SEPTIN2: variants seen among roughly 807,000 people sequenced by gnomAD.
SEPTIN2 encodes the protein septin 2, also known as septin-2.
In SEPTIN2, 34 loss-of-function variants were observed where a neutral mutation model predicts 46.5. That is an observed-to-expected ratio of 0.73 (90% confidence interval 0.56 to 0.97). The LOEUF is 0.97. Ranked by LOEUF, SEPTIN2 falls within the 50% of genes least tolerant of loss-of-function variation. SEPTIN2 has a pLI of 0.00. For synonymous variants in SEPTIN2, 175 were observed against 153.4 expected (o/e 1.14, Z -1.04); for missense variants, 347 against 448.4 (o/e 0.77, Z 2.04).
At position 241,346,185 on chromosome 2, in the gene SEPTIN2, C is replaced by T. The variant is rs1380015842; in HGVS notation, c.862C>T (p.Gln288Ter). The change falls in exon 10 of 13, where the codon CAG becomes TAG. Residue 288 changes from glutamine (Q) to a stop codon, truncating the protein, a stop_gained. Coordinates refer to ENST00000391971, the MANE Select transcript of SEPTIN2 (RefSeq NM_004404.5). LOFTEE classifies it high-confidence loss of function. ...TTTCAGCACCCACATGCAGGATCTC[C>T]AGGAGGTGACCCAGGACCTTCATTA... ...TMLITHMQDL[Q>*]EVTQDLHYEN... 2.5e-6 allele frequency: 4 copies of T among 1,613,792 alleles called. No homozygotes were observed. Among genetic ancestry groups the T allele is most frequent in the Non-Finnish European group, 3.4e-6 (4 of 1,179,902 alleles).
chr2:241,335,892 C>T (rs2079889823), intron 4 of SEPTIN2, 83 bp from the exon 5 acceptor site: 1 of 1,576,550 alleles, frequency 6.3e-7, no homozygotes, highest in Non-Finnish European at 8.7e-7. Flanking sequence ...AGGCAGTAGA[C>T]TCTGAAGTCA....
At chr2:241,343,721 G>A in intron 8 of SEPTIN2, 31 bp from the exon 9 acceptor site, 1 of 1,613,124 alleles carries the variant, frequency 6.2e-7, no homozygotes, top group South Asian at 1.1e-5. Flanking sequence ...TCCCTGTGTG[G>A]AGCCTGTCTA....
chr2:241,353,843 C>T lies in SEPTIN2; in HGVS notation c.*1906C>T, dbSNP rs1025036459. The T allele has an allele frequency of 2.0e-5, 3 of 153,324 alleles. No individual in the cohort carries two copies. Among genetic ancestry groups the T allele is most frequent in the Admixed American group, 1.3e-4 (2 of 15,292 alleles). 9.5% of individuals were successfully genotyped at this position (153,324 alleles called of 1,614,324 possible). ...AGGGAGGACCCACACTGCTACACTT[C>T]TGATCCCCTTTGGTTTTACTACCCA... On this transcript the variant is annotated 3_prime_UTR_variant, in exon 13 of 13. Coordinates refer to ENST00000391971, the MANE Select transcript of SEPTIN2 (RefSeq NM_004404.5).
At chr2:241,337,101 AAAAG>A (rs1005217038) in intron 5 of SEPTIN2, 4 of 290,204 alleles carry the variant, frequency 1.4e-5, no homozygotes, top group African/African-American at 6.6e-5. Flanking sequence ...CTCAAAAAAA[AAAAG>A]AACGAATTGG....
At chr2:241,350,748 C>G (rs1156732267) in intron 12 of SEPTIN2, among the ~76,000 whole-genome samples, 1 of 152,058 alleles carries the variant, frequency 6.6e-6, no homozygotes, top group Non-Finnish European at 1.5e-5. Context: ...ATCTGTCTGG[C>G]ATGGTGTATG....
intron 7 of SEPTIN2, 25 bp from the exon 8 acceptor site, chr2:241,342,967 G>A (rs371058060): frequency 7.4e-7 from 1 of 1,353,114 alleles, no homozygotes; most frequent in Non-Finnish European, 1.1e-6. Context: ...TGCTAAAATT[G>A]ATCCTGGTTT....
chr2:241,321,587 T>G (rs766268691), intron 1 of SEPTIN2, among the ~76,000 whole-genome samples: 2 of 152,050 alleles, frequency 1.3e-5, no homozygotes, highest in Non-Finnish European at 2.9e-5. Flanking sequence ...TTTTTTTCCC[T>G]TGGTTTTTCA....
intron 7 of SEPTIN2, among the ~76,000 whole-genome samples, chr2:241,339,643 TG>T (rs1390599549): frequency 6.6e-6 from 1 of 152,222 alleles, no homozygotes; most frequent in Non-Finnish European, 1.5e-5. Flanking sequence ...GCTTACTTTT[TG>T]TTTTACTCTG....
chr2:241,323,905 A>T (rs922478700), intron 1 of SEPTIN2, among the ~76,000 whole-genome samples: 1 of 152,246 alleles, frequency 6.6e-6, no homozygotes, highest in Non-Finnish European at 1.5e-5. Flanking sequence ...AGTAACAGTC[A>T]TAAGGATCTC....
chr2:241,343,267 G>A (rs2081495816), intron 8 of SEPTIN2, among the ~76,000 whole-genome samples, 174 bp downstream of exon 8: 1 of 152,138 alleles, frequency 6.6e-6, no homozygotes, highest in African/African-American at 2.4e-5. Flanking sequence ...GAGAGGCCAA[G>A]GCAGATGGAT....
At chr2:241,343,973 C>A in intron 9 of SEPTIN2, 76 bp downstream of exon 9, 1 of 1,539,200 alleles carries the variant, frequency 6.5e-7, no homozygotes, top group South Asian at 1.2e-5. Flanking sequence ...GTACACTTGG[C>A]CCCCAAGATA....
chr2:241,339,778 G>C (rs1299874946), intron 7 of SEPTIN2, among the ~76,000 whole-genome samples: 3 of 152,064 alleles, frequency 2.0e-5, no homozygotes, highest in Non-Finnish European at 4.4e-5. Flanking sequence ...CCCTCACTGA[G>C]CCCAACGCTG....
chr2:241,325,932 T>G (rs1559604070), intron 2 of SEPTIN2, 61 bp from the exon 3 acceptor site: 1 of 1,501,480 alleles, frequency 6.7e-7, no homozygotes, highest in Non-Finnish European at 9.0e-7. Context: ...TCTAACTGAT[T>G]ATATCTTAAA....
At position 241,335,990 on chromosome 2, in the gene SEPTIN2, C is replaced by T; in HGVS notation, c.233C>T (p.Thr78Ile). Residue 78 changes from threonine (T) to isoleucine (I), a missense_variant, in exon 5 of 13, where the codon ACT becomes ATT. Thr to Ile is a moderately conservative substitution (Grantham distance 89). Coordinates refer to ENST00000391971, the MANE Select transcript of SEPTIN2 (RefSeq NM_004404.5). ...TCTTTTCTAGAAAAAATTGAAAGAACTGTCCAGATTGAGGCTTCAACTGTT... is the reference window on the plus strand; with the variant it reads ...TCTTTTCTAGAAAAAATTGAAAGAATTGTCCAGATTGAGGCTTCAACTGTT... ...IPGAAEKIERTVQIEASTVEI... is the reference protein window; with the variant it reads ...IPGAAEKIERIVQIEASTVEI... 6.2e-7 allele frequency: 1 copy of T among 1,614,040 alleles called. No homozygotes were observed. Among genetic ancestry groups the T allele is most frequent in the Non-Finnish European group, 8.5e-7 (1 of 1,179,990 alleles).
intron 11 of SEPTIN2, 59 bp downstream of exon 11, chr2:241,348,250 CAG>C (rs2060450829): frequency 2.7e-6 from 4 of 1,458,074 alleles, no homozygotes; most frequent in East Asian, 2.3e-5. Flanking sequence ...TGTTTTGAGA[CAG>C]AGTTTTGCAC....
At chr2:241,348,626 TGAG>T (rs1033274645) in intron 11 of SEPTIN2, among the ~76,000 whole-genome samples, 238 of 152,238 alleles carry the variant, frequency 1.6e-3, no homozygotes, top group African/African-American at 4.3e-3. Flanking sequence ...TTTAATTTGT[TGAG>T]GAGGATACAT....
At chr2:241,344,751 T>C (rs11690506) in intron 9 of SEPTIN2, among the ~76,000 whole-genome samples, 24,130 of 151,880 alleles carry the variant, frequency 0.16, 2,098 homozygotes, top group Middle Eastern at 0.26. Context: ...GTAACATGCA[T>C]ACATTGCTTT....
At chr2:241,349,962 C>A in intron 11 of SEPTIN2, 111 bp from the exon 12 acceptor site, 3 of 949,434 alleles carry the variant, frequency 3.2e-6, no homozygotes. Flanking sequence ...TAACTCCTGT[C>A]ATATTTTGGG....
At chr2:241,345,988 C>A (rs1479342657) in intron 9 of SEPTIN2, among the ~76,000 whole-genome samples, 178 bp from the exon 10 acceptor site, 1 of 152,218 alleles carries the variant, frequency 6.6e-6, no homozygotes, top group Non-Finnish European at 1.5e-5. Flanking sequence ...GAGAGCTACA[C>A]CTCACTAGAC....
Sources: allele counts gnomAD v4.1 joint callset (sites outside exome capture counted in the v4.1 genomes callset), GRCh38; gene constraint gnomAD v4.1.1; transcripts MANE v1.5; gene names NCBI Gene and HGNC (gene_info 2026-07-23, HGNC 2026-07-21).